The following CTNNA2 variants were observed in gnomAD, a reference collection of about 807,000 sequenced individuals.
The protein encoded by CTNNA2 is catenin alpha-2.
Under a neutral mutation model 101.0 loss-of-function variants are expected in CTNNA2, and 42 were observed. The ratio of observed to expected loss-of-function variants is 0.42; its 90% CI spans 0.32 to 0.54. CTNNA2 has a LOEUF of 0.54. Among genes scored for constraint, CTNNA2 ranks in the 20% least tolerant of loss-of-function variants. The probability of loss-of-function intolerance (pLI) is 0.14; values close to 1 mark genes in which losing one functional copy is unlikely to be tolerated. For synonymous variants in CTNNA2, 450 were observed against 456.4 expected (o/e 0.99, Z 0.18); for missense variants, 871 against 1,223.1 (o/e 0.71, Z 4.29).
At chr2:79,270,007 T>C (rs770004247) in intron 2 of CTNNA2, among the ~76,000 whole-genome samples, 112 of 152,122 alleles carry the variant, frequency 7.4e-4, no homozygotes, top group Admixed American at 5.0e-3. Flanking sequence ...AACAAAACTT[T>C]GTCTTCTTGC....
At chr2:79,836,886 C>T (rs1679407670) in intron 3 of CTNNA2, among the ~76,000 whole-genome samples, 1 of 152,192 alleles carries the variant, frequency 6.6e-6, no homozygotes, top group Non-Finnish European at 1.5e-5. Flanking sequence ...CCTCCCGCCT[C>T]AGCCTCCTGT....
intron 7 of CTNNA2, among the ~76,000 whole-genome samples, chr2:79,938,025 G>A (rs10168903): frequency 0.12 from 17,493 of 152,104 alleles, 1,096 homozygotes; most frequent in East Asian, 0.2. Context: ...TGATTGGTAT[G>A]ACACCAACTT....
At chr2:79,902,915 G>A (rs576737090) in intron 6 of CTNNA2, among the ~76,000 whole-genome samples, 2 of 152,178 alleles carry the variant, frequency 1.3e-5, no homozygotes, top group African/African-American at 2.4e-5. Context: ...ATGAGCCACT[G>A]CGCCCGGTCA....
intron 4 of CTNNA2, among the ~76,000 whole-genome samples, chr2:79,453,401 C>G (rs1670778633): frequency 6.6e-6 from 1 of 152,010 alleles, no homozygotes; most frequent in African/African-American, 2.4e-5. Context: ...AAGGAATTGT[C>G]ATGCTATAAA....
At chr2:79,707,538 TTAAC>T (rs1364766428) in intron 2 of CTNNA2, among the ~76,000 whole-genome samples, 7 of 152,230 alleles carry the variant, frequency 4.6e-5, no homozygotes, top group Non-Finnish European at 8.8e-5. Context: ...ACTTTTTACT[TTAAC>T]TAAGCCCTTT....
chr2:80,629,498 T>G (rs551896381), intron 18 of CTNNA2, among the ~76,000 whole-genome samples: 2 of 152,224 alleles, frequency 1.3e-5, no homozygotes, highest in East Asian at 3.9e-4. Flanking sequence ...CCTAAATCTT[T>G]CGGATACAGA....
At chr2:79,995,627 A>G (rs958295570) in intron 7 of CTNNA2, among the ~76,000 whole-genome samples, 2 of 152,184 alleles carry the variant, frequency 1.3e-5, no homozygotes, top group African/African-American at 4.8e-5. Flanking sequence ...CCTGAGCAAC[A>G]TAGTGAGACC....
intron 3 of CTNNA2, chr2:79,339,644 G>A (rs1677084964): frequency 6.6e-6 from 1 of 152,194 alleles, no homozygotes; most frequent in South Asian, 2.1e-4. Flanking sequence ...GAAAGTTTAA[G>A]GGATGTGTCA....
intron 7 of CTNNA2, among the ~76,000 whole-genome samples, chr2:80,125,919 A>G (rs1398234958): frequency 2.0e-5 from 3 of 152,190 alleles, no homozygotes; most frequent in Non-Finnish European, 2.9e-5. Context: ...TTTCTGCAGA[A>G]TGGGAATACC....
chr2:80,310,775 C>T (rs1677487998), intron 7 of CTNNA2, among the ~76,000 whole-genome samples: 1 of 151,878 alleles, frequency 6.6e-6, no homozygotes, highest in African/African-American at 2.4e-5. Flanking sequence ...AGTTCTAGAC[C>T]AGCCTGACCA....
intron 7 of CTNNA2, among the ~76,000 whole-genome samples, chr2:80,255,747 A>G (rs1672091830): frequency 6.6e-6 from 1 of 152,202 alleles, no homozygotes; most frequent in Non-Finnish European, 1.5e-5. Flanking sequence ...GGAAAGGATG[A>G]AAGGACAGAT....
intron 6 of CTNNA2, among the ~76,000 whole-genome samples, chr2:79,906,944 G>T (rs1250957070): frequency 2.0e-5 from 3 of 152,170 alleles, no homozygotes; most frequent in Admixed American, 2.0e-4. Flanking sequence ...TCTAAGCTCA[G>T]TGTTCCATGG....
chr2:80,193,119 A>T (rs1363902313), intron 7 of CTNNA2, among the ~76,000 whole-genome samples: 3 of 152,200 alleles, frequency 2.0e-5, no homozygotes, highest in Non-Finnish European at 2.9e-5. Context: ...GCAGATTTTT[A>T]AAAACCCTTG....
chr2:79,919,616 AAAG>A (rs1268206684), intron 7 of CTNNA2, among the ~76,000 whole-genome samples: 1 of 152,192 alleles, frequency 6.6e-6, no homozygotes, highest in Non-Finnish European at 1.5e-5. Flanking sequence ...CTGGTATTTC[AAAG>A]AAGACCTCAC....
intron 9 of CTNNA2, among the ~76,000 whole-genome samples, chr2:80,431,894 T>G (rs1681557166): frequency 6.6e-6 from 1 of 152,126 alleles, no homozygotes; most frequent in South Asian, 2.1e-4. Context: ...AGCTTCAACT[T>G]TTTGGTTTTT....
chr2:79,423,346 C>A (rs1678558210), intron 4 of CTNNA2, among the ~76,000 whole-genome samples: 1 of 152,182 alleles, frequency 6.6e-6, no homozygotes, highest in Non-Finnish European at 1.5e-5. Context: ...CACTGATACA[C>A]CACAGAGTGA....
At chr2:79,523,461 A>C (rs1335288459) in intron 1 of CTNNA2, among the ~76,000 whole-genome samples, 2 of 152,060 alleles carry the variant, frequency 1.3e-5, no homozygotes, top group African/African-American at 2.4e-5. Context: ...CTTGCCTATT[A>C]CTTGATAGTG....
chr2:79,763,592 C>T lies in CTNNA2; in HGVS notation c.298+19010C>T, dbSNP rs970584963. Among the ~76,000 whole-genome samples, 12 of 152,252 alleles carry T rather than the reference C, an allele frequency of 7.9e-5. No individual in the cohort carries two copies. The South Asian group carries it at 1.9e-3, about 24-fold the overall frequency. ...CTACTTATTATTTCTTATAGTTTTT[C>T]AACATCTCTGCAATAGCAGCATCAT... On this transcript the variant is annotated intron_variant, in intron 3 of 18. Transcript: ENST00000402739.
rs137931022 is a variant in CTNNA2, at chr2:79,585,739, C to T, written c.-5-65813C>T. On this transcript the variant is annotated intron_variant, in intron 1 of 18. Coordinates refer to ENST00000402739, the MANE Select transcript of CTNNA2 (RefSeq NM_001282597.3). ...TGCTCCAGCCCCTCCCTCCCTCCCC[C>T]GGACAACATGGCCAACATCCCTTAG... 3.2e-4 allele frequency among the ~76,000 whole-genome samples: 48 copies of T among 152,146 alleles called. No homozygotes were observed. The East Asian group carries it at 8.0e-3, about 25-fold the overall frequency.
Sources: gnomAD v4.1 joint callset for allele counts (sites outside exome capture counted in the v4.1 genomes callset) on GRCh38, gnomAD v4.1.1 for gene constraint, MANE v1.5 for transcripts, NCBI Gene and HGNC (gene_info 2026-07-23, HGNC 2026-07-21) for gene names.